The following SHISAL2B variants were observed in gnomAD, a reference collection of about 807,000 sequenced individuals.
SHISAL2B encodes protein shisa-like-2B.
A neutral mutation model predicts 16.5 loss-of-function variants in SHISAL2B; 12 were observed. The observed-to-expected ratio is 0.73, with a 90% CI of 0.47 to 1.18. The LOEUF (loss-of-function observed/expected upper bound fraction) is 1.18. Ranked by LOEUF, SHISAL2B falls within the 50% of genes most tolerant of loss-of-function variation. The probability of loss-of-function intolerance (pLI) is 0.00; values close to 1 mark genes in which losing one functional copy is unlikely to be tolerated. For synonymous variants in SHISAL2B, 72 were observed against 75.0 expected, an observed-to-expected ratio of 0.96 and a Z score of 0.21; for missense variants, 183 against 193.6, an observed-to-expected ratio of 0.95 and a Z score of 0.33.
intron 2 of SHISAL2B, among the ~76,000 whole-genome samples, chr5:64,711,040 G>C (rs1340616184): frequency 7.1e-6 from 1 of 141,224 alleles, no homozygotes; most frequent in Non-Finnish European, 1.5e-5. Context: ...TCCTTCTCCT[G>C]CCTGATTGCC....
At chr5:64,717,005 G>T (rs1282080454) in intron 2 of SHISAL2B, among the ~76,000 whole-genome samples, 1 of 152,206 alleles carries the variant, frequency 6.6e-6, no homozygotes, top group Non-Finnish European at 1.5e-5. Context: ...CTGATGGATT[G>T]CATGTAGGGT....
rs1177573663 is a variant in SHISAL2B at position 64,713,370 on chromosome 5, C to T, written c.350-4519C>T. On this transcript the variant is annotated intron_variant, in intron 2 of 2. Coordinates refer to ENST00000389074, the MANE Select transcript of SHISAL2B (RefSeq NM_001164442.2). ...TTTAAGAATGTTGAATATTGGCCCC[C>T]ACTCTCTTCTGGCTTGTAGGGTTTC... is the stretch of plus-strand genomic sequence containing the variant. Among the ~76,000 whole-genome samples the T allele has an allele frequency of 6.2e-4, 55 of 88,904 alleles. 6 individuals carry two copies. Among genetic ancestry groups the T allele is most frequent in the Admixed American group, 2.3e-3 (23 of 9,792 alleles). The allele number at this position is 88,904 out of a possible 152,430, so 58.3% of individuals were successfully genotyped here.
intron 2 of SHISAL2B, among the ~76,000 whole-genome samples, chr5:64,703,409 A>G (rs1015068855): frequency 6.6e-6 from 1 of 152,168 alleles, no homozygotes; most frequent in African/African-American, 2.4e-5. Context: ...ATTTTATACA[A>G]CTGCTTTTGT....
At chr5:64,713,119 A>C (rs1213935949) in intron 2 of SHISAL2B, among the ~76,000 whole-genome samples, 1 of 134,802 alleles carries the variant, frequency 7.4e-6, no homozygotes, top group Non-Finnish European at 1.6e-5. Context: ...TAGTTGATGC[A>C]GTTTCTTCCT....
At chr5:64,704,732 A>G (rs908654198) in intron 2 of SHISAL2B, among the ~76,000 whole-genome samples, 1 of 151,984 alleles carries the variant, frequency 6.6e-6, no homozygotes, top group Non-Finnish European at 1.5e-5. Flanking sequence ...AACAATCCCT[A>G]TTTTGTTGGT....
chr5:64,703,955 A>T (rs182869575), intron 2 of SHISAL2B, among the ~76,000 whole-genome samples: 2 of 152,314 alleles, frequency 1.3e-5, no homozygotes, highest in African/African-American at 4.8e-5. Context: ...CATCATATTA[A>T]ATTTGAAGAG....
At chr5:64,710,662 C>A (rs1197945542) in intron 2 of SHISAL2B, among the ~76,000 whole-genome samples, 3 of 113,062 alleles carry the variant, frequency 2.7e-5, no homozygotes, top group Non-Finnish European at 5.1e-5. Flanking sequence ...ATTCTTCCTA[C>A]CCATGAGCAT....
intron 2 of SHISAL2B, among the ~76,000 whole-genome samples, chr5:64,697,679 A>G (rs566057233): frequency 6.6e-6 from 1 of 152,270 alleles, no homozygotes; most frequent in African/African-American, 2.4e-5. Context: ...ATATAAACTT[A>G]GAATATAAAT....
At chr5:64,716,269 T>G (rs1258531919) in intron 2 of SHISAL2B, among the ~76,000 whole-genome samples, 1 of 152,208 alleles carries the variant, frequency 6.6e-6, no homozygotes, top group East Asian at 1.9e-4. Flanking sequence ...CTCTAAATAT[T>G]TTTTGCTAGT....
chr5:64,699,829 A>T (rs1255226425), intron 2 of SHISAL2B, among the ~76,000 whole-genome samples: 1 of 152,306 alleles, frequency 6.6e-6, no homozygotes, highest in African/African-American at 2.4e-5. Context: ...TTTCCATAGT[A>T]TATCTTTATT....
At chr5:64,709,460 C>G (rs1410333651) in intron 2 of SHISAL2B, among the ~76,000 whole-genome samples, 2 of 142,876 alleles carry the variant, frequency 1.4e-5, no homozygotes, top group African/African-American at 2.6e-5. Flanking sequence ...GGGTTGGTTC[C>G]AAGTCTTTGC....
At chr5:64,692,230 A>G (rs888620666) in intron 1 of SHISAL2B, among the ~76,000 whole-genome samples, 4 of 152,226 alleles carry the variant, frequency 2.6e-5, no homozygotes, top group Non-Finnish European at 5.9e-5. Context: ...CACCTCCAAC[A>G]GGGACTGGCA....
At chr5:64,697,841 G>A (rs1741759511) in intron 2 of SHISAL2B, among the ~76,000 whole-genome samples, 2 of 152,116 alleles carry the variant, frequency 1.3e-5, no homozygotes, top group Non-Finnish European at 2.9e-5. Flanking sequence ...CATATTATGG[G>A]GTACCTGTTC....
intron 2 of SHISAL2B, among the ~76,000 whole-genome samples, chr5:64,709,565 G>A (rs1161333209): frequency 2.0e-5 from 3 of 151,362 alleles, no homozygotes; most frequent in African/African-American, 7.3e-5. Context: ...TAATGGGATG[G>A]CTGGGTCAAA....
chr5:64,717,063 T>C (rs772096801), intron 2 of SHISAL2B, among the ~76,000 whole-genome samples: 1 of 152,168 alleles, frequency 6.6e-6, no homozygotes, highest in Non-Finnish European at 1.5e-5. Context: ...GCCACTGGAC[T>C]GTGGATTTAG....
chr5:64,712,525 G>T (rs1475718257), intron 2 of SHISAL2B, among the ~76,000 whole-genome samples: 5 of 150,792 alleles, frequency 3.3e-5, no homozygotes, highest in African/African-American at 9.7e-5. Flanking sequence ...GTTGATTTGG[G>T]GTGGAGAGTT....
chr5:64,694,642 C>T (rs1202548764), intron 1 of SHISAL2B, among the ~76,000 whole-genome samples: 2 of 152,198 alleles, frequency 1.3e-5, no homozygotes, highest in Non-Finnish European at 2.9e-5. Context: ...AAGCCATTGA[C>T]ATTATGCCCT....
rs79131016 is a variant in SHISAL2B, at chr5:64,705,832, T to C, written c.349+10168T>C. Among the ~76,000 whole-genome samples the C allele has an allele frequency of 3.7e-3, 558 of 152,262 alleles. 2 individuals are homozygous for C. Among genetic ancestry groups the C allele is most frequent in the African/African-American group, 0.011 (477 of 41,550 alleles). On this transcript the variant is annotated intron_variant, in intron 2 of 2. Transcript: ENST00000389074. ...TGGGTGGGGATACAGTCTGCTTTTA[T>C]GTATTTTAAGGAGACATGAGACATC...
intron 2 of SHISAL2B, among the ~76,000 whole-genome samples, chr5:64,705,271 T>C (rs1741860021): frequency 6.6e-6 from 1 of 152,116 alleles, no homozygotes; most frequent in African/African-American, 2.4e-5. Context: ...AAATATATAA[T>C]GGAAACAAGA....
Sources: allele counts gnomAD v4.1 joint callset (sites outside exome capture counted in the v4.1 genomes callset), GRCh38; gene constraint gnomAD v4.1.1; transcripts MANE v1.5; gene names NCBI Gene and HGNC (gene_info 2026-07-23, HGNC 2026-07-21).